CELSR1: variants seen among roughly 807,000 people sequenced by gnomAD.
The protein encoded by CELSR1 is adhesion G protein-coupled receptor C1.
Under a neutral mutation model 249.1 loss-of-function variants are expected in CELSR1, and 110 were observed. The ratio of observed to expected loss-of-function variants is 0.44; its 90% confidence interval spans 0.38 to 0.52. The LOEUF is 0.52. Ranked by LOEUF, CELSR1 falls within the 20% of genes least tolerant of loss-of-function variation. CELSR1 has a pLI of 0.00. For missense variants in CELSR1, 4,109 were observed against 4,296.4 expected (o/e 0.96, Z 1.22); for synonymous variants, 2,113 against 1,900.0 (o/e 1.11, Z -2.92).
rs1176349020 is a variant in CELSR1 at position 46,446,169 on chromosome 22, C to T, written c.4184-6758G>A. The stretch of plus-strand genomic sequence containing the variant: ...TACTCACGAGCCTGTGCCGGCCCCA[C>T]TGTCTCCCTCCTCCCAGGGCAGCTA... On this transcript the variant is annotated intron_variant, in intron 2 of 34. Transcript: ENST00000674500. The surrounding 1 kb of genome is among the most constrained non-coding windows in gnomAD (Gnocchi z 5.5). Among the ~76,000 whole-genome samples the T allele has an allele frequency of 6.6e-6, 1 of 152,220 alleles. No individual in the cohort carries two copies. The highest frequency in any genetic ancestry group is 1.5e-5 in the Non-Finnish European group (1 of 68,034).
chr22:46,393,226 A>G lies in CELSR1; in HGVS notation c.5964+916T>C, dbSNP rs2079112380. Among the ~76,000 whole-genome samples the G allele has an allele frequency of 6.6e-6, 1 of 152,184 alleles. No individual in the cohort carries two copies. Among genetic ancestry groups the G allele is most frequent in the Non-Finnish European group, 1.5e-5 (1 of 68,028 alleles). ...TGTGAGCGCCATGGCCGTGGTGTACACGAAGATCCTGAAGGAGGTGATGTA... is the reference window on the plus strand; with the variant it reads ...TGTGAGCGCCATGGCCGTGGTGTACGCGAAGATCCTGAAGGAGGTGATGTA... On this transcript the variant is annotated intron_variant, in intron 14 of 34. Coordinates refer to ENST00000674500, the MANE Select transcript of CELSR1 (RefSeq NM_001378328.1). This position sits in a 1 kb window ranked among gnomAD's most constrained non-coding sequence, Gnocchi z 4.1.
rs1026376314 is a variant in CELSR1 at position 46,448,379 on chromosome 22, A to G, written c.4184-8968T>C. The stretch of plus-strand genomic sequence containing the variant: ...CCCCTGGGGGGCTGCTCCAGGAGCT[A>G]GGAGAAGAGAGATGCAGGGTCTCAG... On this transcript the variant is annotated intron_variant, in intron 2 of 34. Coordinates refer to ENST00000674500, the MANE Select transcript of CELSR1 (RefSeq NM_001378328.1). This position sits in a 1 kb window ranked among gnomAD's most constrained non-coding sequence, Gnocchi z 5.7. Among the ~76,000 whole-genome samples the G allele has an allele frequency of 6.6e-6, 1 of 152,112 alleles. No individual in the cohort carries two copies. The highest frequency in any genetic ancestry group is 2.4e-5 in the African/African-American group (1 of 41,424).
intron 23 of CELSR1, among the ~76,000 whole-genome samples, chr22:46,378,164 T>G (rs1336232142): frequency 6.6e-6 from 1 of 152,234 alleles, no homozygotes; most frequent in Non-Finnish European, 1.5e-5. Flanking sequence ...GCCCTGCGTG[T>G]GGCCCCGAGG....
intron 2 of CELSR1, among the ~76,000 whole-genome samples, chr22:46,456,196 C>A (rs1042685809): frequency 2.0e-5 from 3 of 152,244 alleles, no homozygotes; most frequent in Admixed American, 2.0e-4. Context: ...GAAGCCACAG[C>A]GAGCACTGGC....
rs1481416942 is a variant in CELSR1, at chr22:46,447,965, GC to G, written c.4184-8555del. Among the ~76,000 whole-genome samples, 1 of 152,166 alleles carries G rather than the reference GC, an allele frequency of 6.6e-6. No individual in the cohort carries two copies. ...AAAAGAAAAGCTCCCAGGAGCCAAG[GC>G]CCATCCAGCCCTCATGGCCTCATGC... On this transcript the variant is annotated intron_variant, in intron 2 of 34. Transcript: ENST00000674500. This position sits in a 1 kb window ranked among gnomAD's most constrained non-coding sequence, Gnocchi z 4.7.
At position 46,401,141 on chromosome 22, in the gene CELSR1, G is replaced by A. The variant is rs1283559811; in HGVS notation, c.5227-1239C>T. On this transcript the variant is annotated intron_variant, in intron 9 of 34. Transcript: ENST00000674500. The surrounding 1 kb of genome is among the most constrained non-coding windows in gnomAD (Gnocchi z 4.7). ...CCAGCTCGATTCAGGTAACTACTGG[G>A]CTCCTATTTTTGGATGTAAACATTA... 2.0e-5 allele frequency among the ~76,000 whole-genome samples: 3 copies of A among 151,976 alleles called. No homozygotes were observed. Among genetic ancestry groups the A allele is most frequent in the East Asian group, 3.9e-4 (2 of 5,182 alleles).
intron 1 of CELSR1, among the ~76,000 whole-genome samples, chr22:46,469,906 C>G (rs1357369842): frequency 5.6e-5 from 2 of 35,766 alleles, no homozygotes; most frequent in South Asian, 1.3e-3. Flanking sequence ...CTGCTGCATC[C>G]GTCACATCTA....
At chr22:46,457,123 GA>G (rs1398173566) in intron 2 of CELSR1, among the ~76,000 whole-genome samples, 2 of 152,182 alleles carry the variant, frequency 1.3e-5, no homozygotes, top group Non-Finnish European at 2.9e-5. Context: ...GAGGCGGGAG[GA>G]TCAGAAGGTC....
At position 46,427,751 on chromosome 22, in the gene CELSR1, T is replaced by C. The variant is rs757826928; in HGVS notation, c.4611+5642A>G. Among the ~76,000 whole-genome samples the C allele has an allele frequency of 2.0e-5, 3 of 151,992 alleles. No homozygotes were observed. Among genetic ancestry groups the C allele is most frequent in the South Asian group, 2.1e-4 (1 of 4,820 alleles). Reference sequence around the variant, plus strand: ...GCGTGTAATTGGCACTCAATTAACATGGAAGGGAGAGAAGGAGGGAGGGAA... The same window carrying C: ...GCGTGTAATTGGCACTCAATTAACACGGAAGGGAGAGAAGGAGGGAGGGAA... On this transcript the variant is annotated intron_variant, in intron 5 of 34. Coordinates refer to ENST00000674500, the MANE Select transcript of CELSR1 (RefSeq NM_001378328.1). This position sits in a 1 kb window ranked among gnomAD's most constrained non-coding sequence, Gnocchi z 4.2.
At chr22:46,458,237 C>T (rs563942220) in intron 2 of CELSR1, among the ~76,000 whole-genome samples, 2 of 152,186 alleles carry the variant, frequency 1.3e-5, no homozygotes, top group African/African-American at 4.8e-5. Context: ...CCTGGGGAGC[C>T]GGGGGTGAGG....
At chr22:46,494,048 G>A (rs2080391715) in intron 1 of CELSR1, among the ~76,000 whole-genome samples, 1 of 152,154 alleles carries the variant, frequency 6.6e-6, no homozygotes, top group Non-Finnish European at 1.5e-5. Flanking sequence ...CAGAAAAAAA[G>A]GCAGACACAC....
At chr22:46,492,572 C>T (rs1287243399) in intron 1 of CELSR1, among the ~76,000 whole-genome samples, 2 of 152,158 alleles carry the variant, frequency 1.3e-5, no homozygotes, top group Non-Finnish European at 2.9e-5. Flanking sequence ...GCCTGTAAAC[C>T]CAGCACTTTG....
rs1361512058 is a variant in CELSR1 at position 46,408,256 on chromosome 22, C to T, written c.5226+740G>A. On this transcript the variant is annotated intron_variant, in intron 9 of 34. Transcript: ENST00000674500. The surrounding 1 kb of genome is among the most constrained non-coding windows in gnomAD (Gnocchi z 4.6). Reference sequence around the variant, plus strand: ...AGAAAACAGGCAGACAGCGACAGAGCGGGGCTTTAGGCATTTCTGGGCTGA... The same window carrying T: ...AGAAAACAGGCAGACAGCGACAGAGTGGGGCTTTAGGCATTTCTGGGCTGA... Among the ~76,000 whole-genome samples, 4 of 152,312 alleles carry T rather than the reference C, an allele frequency of 2.6e-5. No homozygotes were observed. The highest frequency in any genetic ancestry group is 1.9e-4 in the East Asian group (1 of 5,188).
Position 46,429,423 on chromosome 22 carries a change from C to T in CELSR1, c.4611+3970G>A, listed in dbSNP as rs1056123514. On this transcript the variant is annotated intron_variant, in intron 5 of 34. Transcript: ENST00000674500. The surrounding 1 kb of genome is among the most constrained non-coding windows in gnomAD (Gnocchi z 4.1). ...CTCCACTCGGCCCCAAACCTCCCGG[C>T]GTGGCTGTGGGCGTGGGGGCTGTGT... 2.6e-5 allele frequency among the ~76,000 whole-genome samples: 4 copies of T among 152,210 alleles called. No homozygotes were observed. Among genetic ancestry groups the T allele is most frequent in the Admixed American group, 2.0e-4 (3 of 15,284 alleles).
In CELSR1 at chr22:46,506,121, G is replaced by A. The variant is rs1223573447; in HGVS notation, c.3544+27506C>T. On this transcript the variant is annotated intron_variant, in intron 1 of 34. Coordinates refer to ENST00000674500, the MANE Select transcript of CELSR1 (RefSeq NM_001378328.1). This position sits in a 1 kb window ranked among gnomAD's most constrained non-coding sequence, Gnocchi z 4.1. ...TTGAACCTGGGAGGACGAGGTTGCA[G>A]TGAGCTGAGATCACACCATTGCAGT... Among the ~76,000 whole-genome samples, 1 of 150,346 alleles carries A rather than the reference G, an allele frequency of 6.7e-6. No homozygotes were observed. The highest frequency in any genetic ancestry group is 1.5e-5 in the Non-Finnish European group (1 of 67,792).
Position 46,525,020 on chromosome 22 carries a change from G to A in CELSR1, c.3544+8607C>T, listed in dbSNP as rs75574466. 3.3e-3 allele frequency among the ~76,000 whole-genome samples: 509 copies of A among 152,292 alleles called. 3 individuals carry two copies. The highest frequency in any genetic ancestry group is 0.014 in the Middle Eastern group (4 of 294). ...CCAGGCCCCAGGTCCACAGGCTTCA[G>A]GACAGGGAAGCCCAGGGGCCTCCAA... On this transcript the variant is annotated intron_variant, in intron 1 of 34. Coordinates refer to ENST00000674500, the MANE Select transcript of CELSR1 (RefSeq NM_001378328.1).
intron 2 of CELSR1, among the ~76,000 whole-genome samples, chr22:46,457,743 G>A (rs1176270749): frequency 6.6e-6 from 1 of 152,242 alleles, no homozygotes; most frequent in East Asian, 1.9e-4. Flanking sequence ...TGGGAGCTTA[G>A]CCAGTGCTCA....
At chr22:46,479,617 G>T (rs992610821) in intron 1 of CELSR1, among the ~76,000 whole-genome samples, 6 of 27,434 alleles carry the variant, frequency 2.2e-4, no homozygotes, top group South Asian at 1.9e-3. Flanking sequence ...GGACTTTTTG[G>T]GGGGGGGCCG....
chr22:46,409,705 T>A lies in CELSR1; in HGVS notation c.5059+50A>T. 1 of 1,604,990 alleles carries A rather than the reference T, an allele frequency of 6.2e-7. No homozygotes were observed. Among genetic ancestry groups the A allele is most frequent in the Non-Finnish European group, 8.5e-7 (1 of 1,179,020 alleles). On this transcript the variant is annotated intron_variant, in intron 8 of 34. Transcript: ENST00000674500. The surrounding 1 kb of genome is among the most constrained non-coding windows in gnomAD (Gnocchi z 9.8). ...TGGTCCCGGGCACATCAAGGAGCAA[T>A]GCCTCCCAGGCCGCCGTGACCGGGG... is the stretch of plus-strand genomic sequence containing the variant.
Sources: allele counts gnomAD v4.1 joint callset (sites outside exome capture counted in the v4.1 genomes callset), GRCh38; gene constraint gnomAD v4.1.1; non-coding constraint Gnocchi (gnomAD v3.1); transcripts MANE v1.5; gene names NCBI Gene and HGNC (gene_info 2026-07-23, HGNC 2026-07-21).